VNN1: variants seen among roughly 807,000 people sequenced by gnomAD.
VNN1 encodes pantetheinase.
VNN1 carries 29 observed loss-of-function variants against 41.9 expected under a neutral mutation model. The observed-to-expected ratio is 0.69, with a 90% CI of 0.52 to 0.94. The LOEUF (loss-of-function observed/expected upper bound fraction) is 0.94. Ranked by LOEUF, VNN1 falls within the 40% of genes least tolerant of loss-of-function variation. The probability of loss-of-function intolerance (pLI) is 0.00; values close to 1 mark genes in which losing one functional copy is unlikely to be tolerated. For missense variants in VNN1, 637 were observed against 621.1 expected, an observed-to-expected ratio of 1.03 and a Z score of -0.27; for synonymous variants, 233 against 224.4, an observed-to-expected ratio of 1.04 and a Z score of -0.34.
At chr6:132,699,967 A>G (rs1778427855) in intron 2 of VNN1, among the ~76,000 whole-genome samples, 1 of 152,250 alleles carries the variant, frequency 6.6e-6, no homozygotes, top group South Asian at 2.1e-4. Context: ...TGAAAGTAGC[A>G]CTAAAATTGT....
chr6:132,693,889 T>C, intron 3 of VNN1, 101 bp downstream of exon 3: 5 of 1,396,850 alleles, frequency 3.6e-6, no homozygotes, highest in Non-Finnish European at 5.0e-6. Flanking sequence ...CCCTACTCGA[T>C]TTCTAAAGTG....
At chr6:132,686,723 C>G (rs541129259) in intron 5 of VNN1, among the ~76,000 whole-genome samples, 1 of 152,126 alleles carries the variant, frequency 6.6e-6, no homozygotes, top group South Asian at 2.1e-4. Context: ...AGTTACCAGA[C>G]ATGTGAGAAA....
intron 6 of VNN1, among the ~76,000 whole-genome samples, chr6:132,684,123 TA>T (rs565796032): frequency 3.3e-5 from 5 of 152,142 alleles, no homozygotes; most frequent in South Asian, 2.1e-4. Flanking sequence ...ATAAGATATA[TA>T]TTTTTTTATT....
Position 132,701,961 on chromosome 6 carries a change from C to A in VNN1, c.342-7779G>T, listed in dbSNP as rs145076114. 1.2e-4 allele frequency among the ~76,000 whole-genome samples: 18 copies of A among 152,342 alleles called. 2 individuals are homozygous for A. In the East Asian group the frequency reaches 3.5e-3, roughly 29 times the overall value. On this transcript the variant is annotated intron_variant, in intron 2 of 6. Coordinates refer to ENST00000367928, the MANE Select transcript of VNN1 (RefSeq NM_004666.3). ...GTGCCCACAGAGGGCACATTTAGAACAGCTCTTGTCAGAGAGGAATTGTCC... is the reference window on the plus strand; with the variant it reads ...GTGCCCACAGAGGGCACATTTAGAAAAGCTCTTGTCAGAGAGGAATTGTCC...
intron 2 of VNN1, among the ~76,000 whole-genome samples, chr6:132,708,366 T>A (rs908258568): frequency 6.6e-6 from 1 of 152,158 alleles, no homozygotes; most frequent in Non-Finnish European, 1.5e-5. Context: ...ATCCTATTTT[T>A]AATTATATTA....
intron 2 of VNN1, among the ~76,000 whole-genome samples, chr6:132,704,874 A>G (rs1279286884): frequency 6.6e-6 from 1 of 152,084 alleles, no homozygotes; most frequent in Non-Finnish European, 1.5e-5. Context: ...GCAGAAATTC[A>G]AAAGATCATT....
intron 2 of VNN1, among the ~76,000 whole-genome samples, chr6:132,701,878 A>G (rs991009305): frequency 6.6e-6 from 1 of 152,232 alleles, no homozygotes; most frequent in Non-Finnish European, 1.5e-5. Context: ...GGGACTTTAC[A>G]TTGGAAGTCA....
At position 132,694,108 on chromosome 6, in the gene VNN1, A is replaced by G. The variant is rs201819180; in HGVS notation, c.416T>C (p.Ile139Thr). 1.9e-4 allele frequency: 300 copies of G among 1,614,130 alleles called. 1 individual carries two copies. Among genetic ancestry groups the G allele is most frequent in the Middle Eastern group, 1.5e-3 (9 of 6,062 alleles). ...KNNSIYVVANIGDKKPCDTSD... is the reference protein window; with the variant it reads ...KNNSIYVVANTGDKKPCDTSD... Reference sequence around the variant, plus strand: ...GGTATCGCATGGCTTCTTGTCCCCAATATTTGCCACAACATAGATAGAGTT... The same window carrying G: ...GGTATCGCATGGCTTCTTGTCCCCAGTATTTGCCACAACATAGATAGAGTT... Residue 139 changes from isoleucine (I) to threonine (T), a missense_variant, in exon 3 of 7, where the codon ATT (isoleucine) becomes ACT (threonine). Coordinates refer to ENST00000367928, the MANE Select transcript of VNN1 (RefSeq NM_004666.3).
In VNN1 at chr6:132,681,838, C is replaced by T. The variant is rs1778128766; in HGVS notation, c.*1302G>A. On this transcript the variant is annotated 3_prime_UTR_variant, in exon 7 of 7. Coordinates refer to ENST00000367928, the MANE Select transcript of VNN1 (RefSeq NM_004666.3). Reference sequence around the variant, plus strand: ...TAGTACTTTTTAGGAAAAACATCTGCCACAAAAATGTTTGTCTCAAAATGA... The same window carrying T: ...TAGTACTTTTTAGGAAAAACATCTGTCACAAAAATGTTTGTCTCAAAATGA... The T allele has an allele frequency of 6.6e-6, 1 of 152,578 alleles. No individual in the cohort carries two copies. Among genetic ancestry groups the T allele is most frequent in the African/African-American group, 2.4e-5 (1 of 41,434 alleles). The allele number at this position is 152,578 out of a possible 1,614,324, so 9.5% of individuals were successfully genotyped here.
At chr6:132,712,014 C>A (rs1449803505) in intron 1 of VNN1, among the ~76,000 whole-genome samples, 175 bp from the exon 2 acceptor site, 1 of 151,462 alleles carries the variant, frequency 6.6e-6, no homozygotes, top group African/African-American at 2.4e-5. Flanking sequence ...TTTTTCAGTG[C>A]ACTGTCACTT....
intron 5 of VNN1, among the ~76,000 whole-genome samples, chr6:132,689,838 G>C (rs979185812): frequency 6.6e-6 from 1 of 152,200 alleles, no homozygotes; most frequent in Non-Finnish European, 1.5e-5. Flanking sequence ...GGGTCCAGCT[G>C]AATGTCTCAT....
intron 5 of VNN1, among the ~76,000 whole-genome samples, chr6:132,687,654 A>G (rs1778227369): frequency 1.3e-5 from 2 of 152,240 alleles, no homozygotes; most frequent in Admixed American, 6.5e-5. Flanking sequence ...CATTCCTAGG[A>G]TGACAGTAAA....
intron 5 of VNN1, 127 bp from the exon 6 acceptor site, chr6:132,684,632 A>C (rs1778181373): frequency 8.3e-6 from 6 of 722,934 alleles, no homozygotes; most frequent in Non-Finnish European, 1.2e-5. Flanking sequence ...AAAGATATAC[A>C]ATTTTCATTT....
At chr6:132,701,671 A>G (rs568480947) in intron 2 of VNN1, among the ~76,000 whole-genome samples, 1 of 152,358 alleles carries the variant, frequency 6.6e-6, no homozygotes, top group African/African-American at 2.4e-5. Context: ...CACAACAAGA[A>G]TGAACCTTCA....
chr6:132,708,301 A>G (rs1778548558), intron 2 of VNN1, among the ~76,000 whole-genome samples: 1 of 152,206 alleles, frequency 6.6e-6, no homozygotes, highest in Non-Finnish European at 1.5e-5. Flanking sequence ...ATGATGCCTC[A>G]TAACAACTGC....
chr6:132,694,235 C>T, intron 2 of VNN1, 53 bp from the exon 3 acceptor site: 1 of 1,485,786 alleles, frequency 6.7e-7, no homozygotes, highest in Non-Finnish European at 9.0e-7. Flanking sequence ...TCTTAACTCT[C>T]AACAAAATCC....
Position 132,693,061 on chromosome 6 carries a change from A to G in VNN1, c.789T>C (p.Leu263=). Residue 263 remains leucine (L), a synonymous_variant, in exon 4 of 7, where the codon CTT becomes CTC. Coordinates refer to ENST00000367928, the MANE Select transcript of VNN1 (RefSeq NM_004666.3). ...AWAMGMRVNF[L]ASNIHYPSKK... is the part of the protein sequence containing the mutation. ...TTGAGGGGTAATGTATGTTGGATGC[A>G]AGGAAATTGACCCTCATGCCCATAG... 6.2e-7 allele frequency: 1 copy of G among 1,613,662 alleles called. No individual in the cohort carries two copies. Among genetic ancestry groups the G allele is most frequent in the South Asian group, 1.1e-5 (1 of 91,026 alleles).
intron 2 of VNN1, chr6:132,698,719 C>T (rs2267951): frequency 0.28 from 43,384 of 156,374 alleles, 6,586 homozygotes; most frequent in East Asian, 0.47. Context: ...GATTGGATTT[C>T]GTGGGGTGAG....
rs2114346277 is a variant in VNN1 at position 132,693,209 on chromosome 6, A to C, written c.641T>G (p.Ile214Arg). The C allele has an allele frequency of 6.2e-7, 1 of 1,614,184 alleles. No homozygotes were observed. Among genetic ancestry groups the C allele is most frequent in the East Asian group, 2.2e-5 (1 of 44,878 alleles). The change falls in exon 4 of 7, where the codon ATA becomes AGA. Residue 214 changes from isoleucine to arginine, a missense_variant. Transcript: ENST00000367928. ...GGTAACAGCAGGATCATGGAAGAGT[A>C]TATCAAAGCATGTGAAAATGCCAAA... is the stretch of plus-strand genomic sequence containing the variant. Reference protein sequence around the residue: ...GSFGIFTCFDILFHDPAVTLV... With the variant: ...GSFGIFTCFDRLFHDPAVTLV...
Sources: allele counts gnomAD v4.1 joint callset (sites outside exome capture counted in the v4.1 genomes callset), GRCh38; gene constraint gnomAD v4.1.1; transcripts MANE v1.5; gene names NCBI Gene and HGNC (gene_info 2026-07-23, HGNC 2026-07-21).